The following ITPK1 variants were observed in gnomAD, a reference collection of about 807,000 sequenced individuals.
ITPK1 encodes inositol-tetrakisphosphate 1-kinase.
Under a neutral mutation model 45.3 loss-of-function variants are expected in ITPK1, and 21 were observed. The ratio of observed to expected loss-of-function variants is 0.46; its 90% CI spans 0.33 to 0.67. The LOEUF is 0.67. Among genes scored for constraint, ITPK1 ranks in the 30% least tolerant of loss-of-function variants. The pLI, the probability that ITPK1 is intolerant of heterozygous loss-of-function variation, is 0.02. For synonymous variants in ITPK1, 258 were observed against 253.6 expected, an observed-to-expected ratio of 1.02 and a Z score of -0.16; for missense variants, 474 against 573.5, an observed-to-expected ratio of 0.83 and a Z score of 1.77.
rs1322437209 is a variant in ITPK1 at position 93,076,629 on chromosome 14, AAAAC to A, written c.96-14_96-11del. The A allele has an allele frequency of 1.2e-6, 2 of 1,614,142 alleles. No homozygotes were observed. Among genetic ancestry groups the A allele is most frequent in the Admixed American group, 3.3e-5 (2 of 60,026 alleles). ...CTCCATCCCTCGCTTCCTGTGGAGAAAAACAAAGAAAACAAGCGTTACTCCAGCA... is the reference window on the plus strand; with the variant it reads ...CTCCATCCCTCGCTTCCTGTGGAGAAAAAGAAAACAAGCGTTACTCCAGCA... On this transcript the variant is annotated splice_polypyrimidine_tract_variant and intron_variant, in intron 2 of 10. Coordinates refer to ENST00000267615, the MANE Select transcript of ITPK1 (RefSeq NM_014216.6). This position sits in a 1 kb window ranked among gnomAD's most constrained non-coding sequence, Gnocchi z 4.3.
At chr14:93,026,296 T>A (rs1235938501) in intron 3 of ITPK1, among the ~76,000 whole-genome samples, 2 of 152,158 alleles carry the variant, frequency 1.3e-5, no homozygotes, top group South Asian at 2.1e-4. Context: ...CTGATTTTTT[T>A]AAAAAGAAAA....
intron 10 of ITPK1, among the ~76,000 whole-genome samples, chr14:92,945,578 G>A (rs1887644239): frequency 6.6e-6 from 1 of 152,236 alleles, no homozygotes; most frequent in African/African-American, 2.4e-5. Flanking sequence ...GGCATCAAGC[G>A]CGGCTCTGTC....
Position 92,952,801 on chromosome 14 carries a change from C to CT in ITPK1, c.671-789dup, listed in dbSNP as rs1236919554. Among the ~76,000 whole-genome samples, 9 of 152,374 alleles carry CT rather than the reference C, an allele frequency of 5.9e-5. No individual in the cohort carries two copies. The East Asian group carries it at 1.7e-3, about 29-fold the overall frequency. On this transcript the variant is annotated intron_variant, in intron 8 of 10. Transcript: ENST00000267615. ...GTCTTTGGGGAGTAAGCCAAAGTCA[C>CT]TTGGGGAAAATGTCAGGTCGGTTGG...
chr14:93,105,617 G>A (rs1270224281), intron 2 of ITPK1, among the ~76,000 whole-genome samples: 1 of 149,070 alleles, frequency 6.7e-6, no homozygotes, highest in Non-Finnish European at 1.5e-5. Context: ...CGCCTCCTGA[G>A]TTCAAGCGAT....
At chr14:93,113,642 C>T (rs1236738852) in intron 2 of ITPK1, among the ~76,000 whole-genome samples, 1 of 152,158 alleles carries the variant, frequency 6.6e-6, no homozygotes, top group African/African-American at 2.4e-5. Flanking sequence ...TTCAAGTACC[C>T]TTTTGTAATG....
intron 10 of ITPK1, 25 bp downstream of exon 10, chr14:92,946,306 T>C: frequency 2.5e-6 from 4 of 1,611,702 alleles, no homozygotes; most frequent in South Asian, 1.1e-5. Flanking sequence ...GGCCGGTCAG[T>C]GGAGGTGGCC....
intron 2 of ITPK1, among the ~76,000 whole-genome samples, chr14:93,077,337 A>C (rs1329114116): frequency 6.6e-6 from 1 of 151,524 alleles, no homozygotes; most frequent in Non-Finnish European, 1.5e-5. Context: ...TTTTTTTTTG[A>C]GACAGAGTCT....
rs949214589 is a variant in ITPK1 at position 93,016,025 on chromosome 14, G to A, written c.246+651C>T. Among the ~76,000 whole-genome samples the A allele has an allele frequency of 3.9e-5, 6 of 152,126 alleles. No homozygotes were observed. Among genetic ancestry groups the A allele is most frequent in the Admixed American group, 1.3e-4 (2 of 15,282 alleles). On this transcript the variant is annotated intron_variant, in intron 4 of 10. Transcript: ENST00000267615. The surrounding 1 kb of genome is among the most constrained non-coding windows in gnomAD (Gnocchi z 5.0). ...CTTTGTTTTTCATGACCTCTGAGCC[G>A]CTTTCTAGAGGACAGAATCACGTTC...
chr14:92,992,049 A>G (rs538277284), intron 5 of ITPK1, among the ~76,000 whole-genome samples: 1 of 152,378 alleles, frequency 6.6e-6, no homozygotes, highest in East Asian at 1.9e-4. Flanking sequence ...ACAAGAGCCC[A>G]GACAGGAACC....
At chr14:93,095,330 C>T (rs10143112) in intron 2 of ITPK1, among the ~76,000 whole-genome samples, 6,291 of 152,290 alleles carry the variant, frequency 0.041, 444 homozygotes, top group African/African-American at 0.14. Flanking sequence ...GACACACCAA[C>T]CACAGAAGTT....
At chr14:93,009,952 C>G (rs565362067) in intron 4 of ITPK1, among the ~76,000 whole-genome samples, 3 of 152,154 alleles carry the variant, frequency 2.0e-5, no homozygotes, top group African/African-American at 7.2e-5. Flanking sequence ...TTAACTTCCC[C>G]GGGCCGCAGT....
chr14:93,113,641 C>A (rs926142766), intron 2 of ITPK1, among the ~76,000 whole-genome samples: 32 of 152,162 alleles, frequency 2.1e-4, no homozygotes, highest in Admixed American at 2.0e-4. Flanking sequence ...GTTCAAGTAC[C>A]CTTTTGTAAT....
intron 9 of ITPK1, among the ~76,000 whole-genome samples, chr14:92,949,093 C>CT (rs970241666): frequency 9.8e-4 from 141 of 144,326 alleles, no homozygotes; most frequent in East Asian, 4.6e-3. Context: ...ACTTTTCTTT[C>CT]TTTTTTTTTT....
At chr14:93,002,461 G>A (rs1346229413) in intron 4 of ITPK1, among the ~76,000 whole-genome samples, 1 of 152,212 alleles carries the variant, frequency 6.6e-6, no homozygotes, top group African/African-American at 2.4e-5. Flanking sequence ...TGGCTCCAGA[G>A]CCCTCCAGTC....
intron 2 of ITPK1, among the ~76,000 whole-genome samples, chr14:93,114,069 T>G (rs997293576): frequency 6.6e-6 from 1 of 152,200 alleles, no homozygotes. Flanking sequence ...AAAATGCAAG[T>G]AGAGCCCATT....
At chr14:93,073,483 C>A (rs1595190790) in intron 3 of ITPK1, among the ~76,000 whole-genome samples, 1 of 152,188 alleles carries the variant, frequency 6.6e-6, no homozygotes, top group East Asian at 1.9e-4. Flanking sequence ...ACCCATGATG[C>A]CTGGTACACT....
chr14:93,030,257 C>T (rs1888967088), intron 3 of ITPK1, among the ~76,000 whole-genome samples: 2 of 152,240 alleles, frequency 1.3e-5, no homozygotes, highest in African/African-American at 2.4e-5. Flanking sequence ...AATGCAGTCA[C>T]AGCCACCCTT....
Position 92,951,970 on chromosome 14 carries a change from C to A in ITPK1, c.714G>T (p.Pro238=). ...CCTCCGTCAGGACCGATGACGACTC[C>A]GGCTTTGACACGTTGTGGCTGTTGA... The part of the protein sequence containing the change: ...IFFNSHNVSK[P]ESSSVLTELD... Residue 238 remains proline (P), a synonymous_variant, in exon 9 of 11, where the codon CCG becomes CCT. Transcript: ENST00000267615. 1 of 1,580,436 alleles carries A rather than the reference C, an allele frequency of 6.3e-7. No homozygotes were observed.
At chr14:93,009,677 C>A (rs1887796071) in intron 4 of ITPK1, among the ~76,000 whole-genome samples, 1 of 152,214 alleles carries the variant, frequency 6.6e-6, no homozygotes, top group South Asian at 2.1e-4. Flanking sequence ...CTCACAGCAA[C>A]CCCAGAACAG....
Sources: gnomAD v4.1 joint callset for allele counts (sites outside exome capture counted in the v4.1 genomes callset) on GRCh38, gnomAD v4.1.1 for gene constraint, Gnocchi (gnomAD v3.1) non-coding constraint, MANE v1.5 for transcripts, NCBI Gene and HGNC (gene_info 2026-07-23, HGNC 2026-07-21) for gene names.